Variants in DCLRE1C observed in about 807,000 individuals in gnomAD.
The protein encoded by DCLRE1C is protein artemis.
A neutral mutation model predicts 61.4 loss-of-function variants in DCLRE1C; 47 were observed. The ratio of observed to expected loss-of-function variants is 0.77; its 90% CI spans 0.61 to 0.98. The LOEUF (loss-of-function observed/expected upper bound fraction) is 0.98, where lower values mean the gene tolerates loss of function less well. Ranked by LOEUF, DCLRE1C falls within the 50% of genes least tolerant of loss-of-function variation. DCLRE1C has a pLI of 0.00. For missense variants in DCLRE1C, 858 were observed against 816.0 expected, an observed-to-expected ratio of 1.05 and a Z score of -0.63; for synonymous variants, 337 against 287.6, an observed-to-expected ratio of 1.17 and a Z score of -1.74.
chr10:14,943,782 G>A (rs1439542428), intron 3 of DCLRE1C, among the ~76,000 whole-genome samples: 1 of 152,188 alleles, frequency 6.6e-6, no homozygotes, highest in Non-Finnish European at 1.5e-5. Context: ...CTGACCTCAG[G>A]TGAGCTGCCC....
intron 13 of DCLRE1C, among the ~76,000 whole-genome samples, chr10:14,918,786 T>C (rs1356235642): frequency 1.3e-5 from 2 of 152,316 alleles, no homozygotes; most frequent in Middle Eastern, 3.4e-3. Context: ...GCACCAGTTA[T>C]AGGCTTACTA....
intron 7 of DCLRE1C, 32 bp downstream of exon 7, chr10:14,934,671 G>A: frequency 7.4e-6 from 12 of 1,612,230 alleles, no homozygotes; most frequent in Non-Finnish European, 1.0e-5. Context: ...GGCACACCCA[G>A]ATGATAACCC....
At position 14,932,972 on chromosome 10, in the gene DCLRE1C, A is replaced by C. The variant is rs1426213561; in HGVS notation, c.679-17T>G. ...CACATGAACCTAAGGCAAATAATAC[A>C]TACATGCAAATTATGTGAAATGTAT... On this transcript the variant is annotated splice_polypyrimidine_tract_variant and intron_variant, in intron 8 of 13. Transcript: ENST00000378278. 1 of 1,610,262 alleles carries C rather than the reference A, an allele frequency of 6.2e-7. No individual in the cohort carries two copies. The highest frequency in any genetic ancestry group is 1.1e-5 in the South Asian group (1 of 91,016).
chr10:14,902,011 G>A (rs1242061823), downstream of DCLRE1C, among the ~76,000 whole-genome samples: 1 of 152,148 alleles, frequency 6.6e-6, no homozygotes, highest in Non-Finnish European at 1.5e-5. Context: ...CTTTAAGAAT[G>A]ATGGCCTTTA....
intron 12 of DCLRE1C, among the ~76,000 whole-genome samples, chr10:14,922,360 G>A (rs934471168): frequency 6.6e-6 from 1 of 151,644 alleles, no homozygotes; most frequent in Non-Finnish European, 1.5e-5. Flanking sequence ...AGAATCGTTT[G>A]AACCCAGGAG....
At chr10:14,937,990 A>G (rs11259398) in intron 4 of DCLRE1C, among the ~76,000 whole-genome samples, 25,103 of 151,452 alleles carry the variant, frequency 0.17, 2,702 homozygotes, top group African/African-American at 0.3. Context: ...CAAGACCTGC[A>G]GGCACTACTG....
At chr10:14,922,192 A>G (rs1026492681) in intron 12 of DCLRE1C, among the ~76,000 whole-genome samples, 2 of 152,136 alleles carry the variant, frequency 1.3e-5, no homozygotes, top group African/African-American at 4.8e-5. Flanking sequence ...TGTAATCCCA[A>G]CACTTTGGGA....
In DCLRE1C at chr10:14,909,045, T is replaced by C. The variant is rs1834801480; in HGVS notation, c.1442A>G (p.Lys481Arg). The C allele has an allele frequency of 1.9e-6, 3 of 1,614,034 alleles. No homozygotes were observed. The highest frequency in any genetic ancestry group is 2.5e-6 in the Non-Finnish European group (3 of 1,180,020). ...GDLGSVLHLQ[K>R]ADGDVPQWEV... ...CCACTGGGGTACATCCCCATCAGCC[T>C]TTTGCAGGTGAAGTACAGAGCCCAG... Residue 481 changes from lysine (K) to arginine (R), a missense_variant, in exon 14 of 14, where the codon AAG (lysine) becomes AGG (arginine). Physicochemically the swap from Lys to Arg is conservative, Grantham distance 26. Coordinates refer to ENST00000378278, the MANE Select transcript of DCLRE1C (RefSeq NM_001033855.3).
At chr10:14,953,814 G>A in intron 1 of DCLRE1C, 88 bp downstream of exon 1, 16 of 1,578,432 alleles carry the variant, frequency 1.0e-5, no homozygotes, top group Middle Eastern at 2.0e-4. Context: ...CCCACAGGCT[G>A]CAGCTCCTTG....
At chr10:14,903,369 G>A (rs779141437), downstream of DCLRE1C, 4 of 152,082 alleles carry the variant, frequency 2.6e-5, no homozygotes, top group Non-Finnish European at 5.9e-5. Context: ...TGATCTAAAC[G>A]GTAAAACAAG....
chr10:14,932,093 G>A (rs1238586065), intron 9 of DCLRE1C, among the ~76,000 whole-genome samples: 1 of 152,024 alleles, frequency 6.6e-6, no homozygotes, highest in Non-Finnish European at 1.5e-5. Context: ...AAGTCATGGT[G>A]CATGTCGGTG....
In DCLRE1C at chr10:14,909,191, G is replaced by T. The variant is rs954715514; in HGVS notation, c.1296C>A (p.Thr432=). Residue 432 remains threonine, a synonymous_variant, in exon 14 of 14, where the codon ACC becomes ACA. Coordinates refer to ENST00000378278, the MANE Select transcript of DCLRE1C (RefSeq NM_001033855.3). The stretch of plus-strand genomic sequence containing the variant: ...TACACTCTGCTCTGCAGCATCCTGG[G>T]GTTTGTCTCAGTTTTTCAGGCTGCT... ...SEKQPEKLRQ[T]PGCCRAECMQ... is the part of the protein sequence containing the mutation. The T allele has an allele frequency of 1.2e-6, 2 of 1,613,932 alleles. No homozygotes were observed. The highest frequency in any genetic ancestry group is 1.7e-6 in the Non-Finnish European group (2 of 1,180,016).
rs1564368051 is a variant in DCLRE1C, at chr10:14,909,308, A to T, written c.1179T>A (p.Phe393Leu). ...TTAAAGGTATTGGCAGAGGATCATC[A>T]AAGAGATAGTCATCTTCCTCCTCTG... ...RDSEEEDDYL[F>L]DDPLPIPLRH... Residue 393 changes from phenylalanine to leucine, a missense_variant, in exon 14 of 14, where the codon TTT becomes TTA. Phe to Leu is a conservative substitution (Grantham distance 22). This residue lies in a region of DCLRE1C where 843 missense variants were observed against 783.5 expected (regional missense o/e 1.08). Transcript: ENST00000378278. The T allele has an allele frequency of 6.2e-7, 1 of 1,613,804 alleles. No homozygotes were observed. Among genetic ancestry groups the T allele is most frequent in the African/African-American group, 1.3e-5 (1 of 75,044 alleles).
intron 3 of DCLRE1C, among the ~76,000 whole-genome samples, chr10:14,943,886 T>C (rs1351918603): frequency 6.6e-6 from 1 of 152,206 alleles, no homozygotes; most frequent in Non-Finnish European, 1.5e-5. Context: ...AGAATTTGTC[T>C]TTTGACCAAA....
At chr10:14,922,156 A>C (rs1837221251) in intron 12 of DCLRE1C, among the ~76,000 whole-genome samples, 2 of 152,172 alleles carry the variant, frequency 1.3e-5, no homozygotes, top group African/African-American at 4.8e-5. Flanking sequence ...GAAATCATTC[A>C]TGGGCCGGGT....
intron 12 of DCLRE1C, among the ~76,000 whole-genome samples, chr10:14,921,092 GCAGAT>G (rs889151858): frequency 4.6e-5 from 7 of 152,208 alleles, no homozygotes; most frequent in Admixed American, 4.6e-4. Flanking sequence ...GCCTAGGTGG[GCAGAT>G]CACGAGAGGT....
chr10:14,927,572 G>GT (rs1174089992), intron 10 of DCLRE1C, among the ~76,000 whole-genome samples: 1 of 143,726 alleles, frequency 7.0e-6, no homozygotes, highest in African/African-American at 2.6e-5. Flanking sequence ...GAGGGAGGGA[G>GT]TGGGGGGGGA....
Position 14,945,133 on chromosome 10 carries a change from G to A in DCLRE1C, c.218C>T (p.Pro73Leu), listed in dbSNP as rs758294915. 29 of 1,612,104 alleles carry A rather than the reference G, an allele frequency of 1.8e-5. No individual in the cohort carries two copies. The highest frequency in any genetic ancestry group is 1.7e-4 in the Middle Eastern group (1 of 6,036). ...PVTKELLLTSPKYRFWKKRII... is the reference protein window; with the variant it reads ...PVTKELLLTSLKYRFWKKRII... ...TCGTTTCTTCCAAAATCTGTATTTCGGGCTCGTTAACAACAACTCCTTAGT... is the reference window on the plus strand; with the variant it reads ...TCGTTTCTTCCAAAATCTGTATTTCAGGCTCGTTAACAACAACTCCTTAGT... Residue 73 changes from proline to leucine, a missense_variant, in exon 3 of 14, where the codon CCG becomes CTG. Pro to Leu is a moderately conservative substitution (Grantham distance 98, BLOSUM62 -3). Coordinates refer to ENST00000378278, the MANE Select transcript of DCLRE1C (RefSeq NM_001033855.3).
intron 2 of DCLRE1C, among the ~76,000 whole-genome samples, chr10:14,946,151 T>C (rs1841657720): frequency 6.6e-6 from 1 of 150,912 alleles, no homozygotes; most frequent in South Asian, 2.1e-4. Context: ...TGGGACTACA[T>C]GCGCACCACC....
Sources: gnomAD v4.1 joint callset for allele counts (sites outside exome capture counted in the v4.1 genomes callset) on GRCh38, gnomAD v4.1.1 for gene constraint, gnomAD v4.1.1 regional missense constraint, MANE v1.5 for transcripts, NCBI Gene and HGNC (gene_info 2026-07-23, HGNC 2026-07-21) for gene names.